The following PRRT1B variants were observed in gnomAD, a reference collection of about 807,000 sequenced individuals.
The protein encoded by PRRT1B is dispanin subfamily D member 2.
chr9:131,550,790 A>C (rs1417081030), intron 1 of PRRT1B, among the ~76,000 whole-genome samples: 1 of 151,948 alleles, frequency 6.6e-6, no homozygotes, highest in Non-Finnish European at 1.5e-5. Flanking sequence ...TCCCTCTCTA[A>C]TCTTTTCTGG....
At position 131,551,925 on chromosome 9, in the gene PRRT1B, G is replaced by A. The variant is rs979646590; in HGVS notation, c.26-2632G>A. Among the ~76,000 whole-genome samples, 2 of 152,000 alleles carry A rather than the reference G, an allele frequency of 1.3e-5. No homozygotes were observed. The highest frequency in any genetic ancestry group is 2.4e-5 in the African/African-American group (1 of 41,384). On this transcript the variant is annotated intron_variant, in intron 1 of 3. Transcript: ENST00000636672. This position sits in a 1 kb window ranked among gnomAD's most constrained non-coding sequence, Gnocchi z 4.4. The stretch of plus-strand genomic sequence containing the variant: ...AGCCTGTTTGGTGGTCTCTTCACAC[G>A]GACACGAGTGAAACCCGCCACCACA...
intron 3 of PRRT1B, among the ~76,000 whole-genome samples, 178 bp from the exon 4 acceptor site, chr9:131,557,875 C>T (rs961256733): frequency 3.0e-4 from 46 of 152,264 alleles, no homozygotes; most frequent in Non-Finnish European, 4.1e-4. Flanking sequence ...TGATGGCTGG[C>T]GGCCGCCACT....
At chr9:131,557,958 G>A in intron 3 of PRRT1B, 95 bp from the exon 4 acceptor site, 1 of 397,828 alleles carries the variant, frequency 2.5e-6, no homozygotes, top group Non-Finnish European at 4.4e-6. Flanking sequence ...CAGTTTCTCA[G>A]TTTGTGGAAC....
intron 1 of PRRT1B, among the ~76,000 whole-genome samples, chr9:131,549,529 C>T (rs1239703744): frequency 6.6e-6 from 1 of 152,220 alleles, no homozygotes; most frequent in African/African-American, 2.4e-5. Context: ...CTGACTCCTT[C>T]CCAGATCTTC....
At chr9:131,546,123 C>G (rs1253798938) in intron 1 of PRRT1B, among the ~76,000 whole-genome samples, 1 of 152,148 alleles carries the variant, frequency 6.6e-6, no homozygotes, top group East Asian at 1.9e-4. Context: ...ACTCCCGCCC[C>G]GTGTCCCGCC....
exon 2 of PRRT1B, chr9:131,554,587 C>T (rs139747400): frequency 0.017 from 6,655 of 396,212 alleles, 394 homozygotes; most frequent in African/African-American, 0.12. Flanking sequence ...GGCAGCCCCG[C>T]CACCCCCGAG....
At chr9:131,552,078 C>A (rs113848501) in intron 1 of PRRT1B, among the ~76,000 whole-genome samples, 1,678 of 152,312 alleles carry the variant, frequency 0.011, 26 homozygotes, top group African/African-American at 0.038. Flanking sequence ...CCGGAGTGAG[C>A]CACCGCATCC....
In PRRT1B at chr9:131,547,065, C is replaced by CTTTTTTTTTTTTTTTTT. The variant is rs549825970; in HGVS notation, c.25+1433_25+1449dup. Reference sequence around the variant, plus strand: ...AGAGCAGAGCCTGGCCTCCTGTTCGCTTTTTTTTTTTTTTTTTTTTTTTTG... The same window carrying CTTTTTTTTTTTTTTTTT: ...AGAGCAGAGCCTGGCCTCCTGTTCGCTTTTTTTTTTTTTTTTTTTTTTTTTTTTTTTTTTTTTTTTTG... On this transcript the variant is annotated intron_variant, in intron 1 of 3. Coordinates refer to ENST00000636672, the Ensembl canonical transcript of PRRT1B. 8.9e-5 allele frequency among the ~76,000 whole-genome samples: 9 copies of CTTTTTTTTTTTTTTTTT among 100,768 alleles called. 1 individual carries two copies. The highest frequency in any genetic ancestry group is 4.4e-4 in the African/African-American group (9 of 20,496). 66.1% of individuals were successfully genotyped at this position (100,768 alleles called of 152,430 possible).
intron 1 of PRRT1B, among the ~76,000 whole-genome samples, chr9:131,550,277 T>G (rs2132007788): frequency 6.6e-6 from 1 of 152,244 alleles, no homozygotes; most frequent in African/African-American, 2.4e-5. Flanking sequence ...TCTCCTATCC[T>G]CAATACCTCC....
Position 131,549,363 on chromosome 9 carries a change from G to A in PRRT1B, c.25+3723G>A, listed in dbSNP as rs55776338. ...CTTCCCCCAGGAGCTTGCTACGAGT[G>A]TTGGAAATCTGGCCACTGGGCCGAG... On this transcript the variant is annotated intron_variant, in intron 1 of 3. Transcript: ENST00000636672. 2.0e-5 allele frequency among the ~76,000 whole-genome samples: 3 copies of A among 152,252 alleles called. No homozygotes were observed. In the South Asian group the frequency reaches 6.2e-4, roughly 32 times the overall value.
intron 1 of PRRT1B, among the ~76,000 whole-genome samples, chr9:131,546,980 T>C (rs1950979942): frequency 6.7e-6 from 1 of 148,400 alleles, no homozygotes; most frequent in Non-Finnish European, 1.5e-5. Flanking sequence ...ATTAGTAAAA[T>C]GGGGAGCATA....
chr9:131,550,747 T>C (rs1951004646), intron 1 of PRRT1B, among the ~76,000 whole-genome samples: 2 of 152,130 alleles, frequency 1.3e-5, no homozygotes, highest in African/African-American at 4.8e-5. Context: ...TTAATACTTT[T>C]AGAGGCCCTC....
At chr9:131,558,257 G>A (rs913284485) in exon 4 of PRRT1B, 27 of 400,724 alleles carry the variant, frequency 6.7e-5, no homozygotes, top group Non-Finnish European at 1.1e-4. Context: ...AAAACTGGCC[G>A]GGCCAGACCC....
At chr9:131,556,653 TAC>T (rs1296935967) in intron 3 of PRRT1B, among the ~76,000 whole-genome samples, 23 of 151,752 alleles carry the variant, frequency 1.5e-4, no homozygotes, top group African/African-American at 3.9e-4. Context: ...TTTTTTTTGA[TAC>T]AGAGTCTTGC....
At chr9:131,552,132 C>A (rs1255471663) in intron 1 of PRRT1B, among the ~76,000 whole-genome samples, 2 of 152,188 alleles carry the variant, frequency 1.3e-5, no homozygotes, top group East Asian at 3.9e-4. Flanking sequence ...TGTGATTTAT[C>A]TTCACTTTAC....
At chr9:131,554,576 C>A (rs1951033661) in exon 2 of PRRT1B, 2 of 395,650 alleles carry the variant, frequency 5.1e-6, no homozygotes, top group South Asian at 1.3e-4. Context: ...CGAAAGGGGG[C>A]GGCAGCCCCG....
chr9:131,557,680 T>C (rs1339979131), intron 3 of PRRT1B, among the ~76,000 whole-genome samples: 3 of 152,252 alleles, frequency 2.0e-5, no homozygotes, highest in Admixed American at 6.5e-5. Flanking sequence ...GAGGTGGGAC[T>C]TGAGAGGTTG....
intron 2 of PRRT1B, among the ~76,000 whole-genome samples, chr9:131,555,767 G>T (rs1951044873): frequency 6.6e-6 from 1 of 152,188 alleles, no homozygotes; most frequent in East Asian, 1.9e-4. Flanking sequence ...CCAGGGAGGG[G>T]TGGCGAGCCC....
Position 131,549,419 on chromosome 9 carries a change from CCA to C in PRRT1B, c.25+3780_25+3781del. Among the ~76,000 whole-genome samples, 3 of 152,254 alleles carry C rather than the reference CCA, an allele frequency of 2.0e-5. No individual in the cohort carries two copies. In the East Asian group the frequency reaches 5.8e-4, roughly 29 times the overall value. ...CCCCCAGCCCGGGATTCCTCCTAAG[CCA>C]TGTCCCATCTGTGCGGGACCCCACT... On this transcript the variant is annotated intron_variant, in intron 1 of 3. Coordinates refer to ENST00000636672, the Ensembl canonical transcript of PRRT1B.
Sources: gnomAD v4.1 joint callset for allele counts (sites outside exome capture counted in the v4.1 genomes callset) on GRCh38, gnomAD v4.1.1 for gene constraint, Gnocchi (gnomAD v3.1) non-coding constraint, MANE v1.5 for transcripts, NCBI Gene and HGNC (gene_info 2026-07-23, HGNC 2026-07-21) for gene names.